Variants in PTPRF observed in about 807,000 individuals in gnomAD.
PTPRF encodes the protein receptor-type tyrosine-protein phosphatase F.
PTPRF carries 59 observed loss-of-function variants against 201.8 expected under a neutral mutation model. That is an observed-to-expected ratio of 0.29 (90% confidence interval 0.24 to 0.36). The LOEUF is 0.36. PTPRF is among the 10% of genes least tolerant of loss of function. The pLI, the probability that PTPRF is intolerant of heterozygous loss-of-function variation, is 1.00. For missense variants in PTPRF, 2,132 were observed against 2,690.5 expected (o/e 0.79, Z 4.59); for synonymous variants, 1,088 against 1,089.7 (o/e 1.00, Z 0.03).
At chr1:43,557,779 A>G (rs1318383452) in intron 5 of PTPRF, among the ~76,000 whole-genome samples, 1 of 152,136 alleles carries the variant, frequency 6.6e-6, no homozygotes, top group Non-Finnish European at 1.5e-5. Flanking sequence ...GACCCTGTCC[A>G]TGCTCCGGGG....
In PTPRF at chr1:43,553,790, C is replaced by T; in HGVS notation, c.238-10C>T. ...GAGTAGGCTGTGACCCCATGTCTGT[C>T]CTCTGACAGGTCATTGAGTTTGATG... On this transcript the variant is annotated splice_polypyrimidine_tract_variant and intron_variant, in intron 4 of 33. Coordinates refer to ENST00000359947, the MANE Select transcript of PTPRF (RefSeq NM_002840.5). This position sits in a 1 kb window ranked among gnomAD's most constrained non-coding sequence, Gnocchi z 4.1. The T allele has an allele frequency of 6.2e-7, 1 of 1,614,050 alleles. No homozygotes were observed. Among genetic ancestry groups the T allele is most frequent in the Non-Finnish European group, 8.5e-7 (1 of 1,180,004 alleles).
At chr1:43,534,792 C>T (rs1207285358) in intron 1 of PTPRF, among the ~76,000 whole-genome samples, 2 of 152,102 alleles carry the variant, frequency 1.3e-5, no homozygotes, top group East Asian at 1.9e-4. Flanking sequence ...AAGTAACCTC[C>T]GACAGTGGTG....
At position 43,605,231 on chromosome 1, in the gene PTPRF, G is replaced by A. The variant is rs143712248; in HGVS notation, c.3177G>A (p.Ser1059=). The change falls in exon 18 of 34, where the codon TCG becomes TCA. Residue 1059 remains serine, a synonymous_variant. Transcript: ENST00000359947. ...AGAGTGTGGAGGTGGACGGGCACTC[G>A]ATGCGGAAGCTGATCGCAGACCTGC... is the stretch of plus-strand genomic sequence containing the variant. ...NGQSVEVDGH[S]MRKLIADLQP... 39 of 1,606,050 alleles carry A rather than the reference G, an allele frequency of 2.4e-5. No individual in the cohort carries two copies. Among genetic ancestry groups the A allele is most frequent in the African/African-American group, 4.0e-5 (3 of 74,926 alleles).
In PTPRF at chr1:43,603,891, C is replaced by A; in HGVS notation, c.2739C>A (p.Asp913Glu). 8 of 1,614,084 alleles carry A rather than the reference C, an allele frequency of 5.0e-6. No individual in the cohort carries two copies. The highest frequency in any genetic ancestry group is 6.8e-6 in the Non-Finnish European group (8 of 1,180,034). ...EFEKEIRTPE[D>E]LPSGFPQNLH... ...AGAAGGAGATCAGGACCCCCGAGGA[C>A]CTGCCCAGCGGCTTCCCCCAAAACC... is the stretch of plus-strand genomic sequence containing the variant. The change falls in exon 16 of 34, where the codon GAC becomes GAA. Residue 913 changes from aspartate (D) to glutamate (E), a missense_variant. Physicochemically the swap from Asp to Glu is conservative, Grantham distance 45 (BLOSUM62 2). This residue lies in a region of PTPRF where 818 missense variants were observed against 915.3 expected (regional missense o/e 0.89). Coordinates refer to ENST00000359947, the MANE Select transcript of PTPRF (RefSeq NM_002840.5). The surrounding 1 kb of genome is among the most constrained non-coding windows in gnomAD (Gnocchi z 5.8).
rs538579759 is a variant in PTPRF at position 43,542,119 on chromosome 1, G to A, written c.-45-2912G>A. ...GGACCCTGGGACTCTGGGGGCCAAG[G>A]TCTACTCTTGAGGCCAGGCCTGGGG... On this transcript the variant is annotated intron_variant, in intron 2 of 33. Coordinates refer to ENST00000359947, the MANE Select transcript of PTPRF (RefSeq NM_002840.5). The surrounding 1 kb of genome is among the most constrained non-coding windows in gnomAD (Gnocchi z 5.2). 1.0e-3 allele frequency among the ~76,000 whole-genome samples: 157 copies of A among 152,270 alleles called. No individual in the cohort carries two copies. Among genetic ancestry groups the A allele is most frequent in the African/African-American group, 3.6e-3 (151 of 41,544 alleles).
rs146681834 is a variant in PTPRF, at chr1:43,603,457, C to T, written c.2382C>T (p.Ser794=). Residue 794 remains serine (S), a synonymous_variant, in exon 15 of 34, where the codon TCC becomes TCT. Coordinates refer to ENST00000359947, the MANE Select transcript of PTPRF (RefSeq NM_002840.5). The surrounding 1 kb of genome is among the most constrained non-coding windows in gnomAD (Gnocchi z 5.8). ...GCCTGACCCCGGAGACCACCTACTCCGTTACTGTTGCTGCCTATACCACCA... is the reference window on the plus strand; with the variant it reads ...GCCTGACCCCGGAGACCACCTACTCTGTTACTGTTGCTGCCTATACCACCA... ...ISGLTPETTY[S]VTVAAYTTKG... 177 of 1,614,196 alleles carry T rather than the reference C, an allele frequency of 1.1e-4. No homozygotes were observed. The African/African-American group carries it at 1.8e-3, about 16-fold the overall frequency.
At chr1:43,591,730 C>A in intron 9 of PTPRF, 82 bp from the exon 10 acceptor site, 1 of 1,555,314 alleles carries the variant, frequency 6.4e-7, no homozygotes, top group South Asian at 1.2e-5. Context: ...AGGTTAGGAC[C>A]TGACTTCCTC....
At chr1:43,575,999 A>G in intron 6 of PTPRF, 3 of 1,322,206 alleles carry the variant, frequency 2.3e-6, no homozygotes, top group South Asian at 1.2e-5. Flanking sequence ...CATCCCGTCC[A>G]GTCTGTCACC....
intron 5 of PTPRF, among the ~76,000 whole-genome samples, chr1:43,557,502 C>T (rs748540005): frequency 5.3e-5 from 8 of 152,152 alleles, no homozygotes; most frequent in Non-Finnish European, 1.0e-4. Context: ...GGCGTGGTGG[C>T]GCACGCCTGT....
At chr1:43,613,913 C>G (rs1368067140) in intron 23 of PTPRF, among the ~76,000 whole-genome samples, 198 bp downstream of exon 23, 1 of 152,118 alleles carries the variant, frequency 6.6e-6, no homozygotes, top group African/African-American at 2.4e-5. Flanking sequence ...ATAGCCTGGC[C>G]CAGCACCTTC....
At chr1:43,597,639 C>A (rs1337616153) in intron 11 of PTPRF, 109 bp from the exon 12 acceptor site, 2 of 852,438 alleles carry the variant, frequency 2.3e-6, no homozygotes, top group Admixed American at 4.5e-5. Context: ...CATTTCAGCA[C>A]CTAAGGGGTA....
intron 23 of PTPRF, among the ~76,000 whole-genome samples, chr1:43,615,386 G>A (rs1657512877): frequency 6.6e-6 from 1 of 151,912 alleles, no homozygotes; most frequent in Non-Finnish European, 1.5e-5. Flanking sequence ...TTCCCCATCT[G>A]GGCTCGTGGG....
chr1:43,613,592 G>A (rs1436319669), intron 22 of PTPRF, 26 bp from the exon 23 acceptor site: 2 of 1,575,866 alleles, frequency 1.3e-6, no homozygotes, highest in Non-Finnish European at 1.7e-6. Context: ...CACTAATGCT[G>A]CCTGTGTATG....
intron 5 of PTPRF, among the ~76,000 whole-genome samples, chr1:43,563,054 T>C (rs1210036518): frequency 1.3e-5 from 2 of 151,800 alleles, no homozygotes; most frequent in Non-Finnish European, 2.9e-5. Flanking sequence ...GGCAGGAGCC[T>C]GTAATCCCAG....
At chr1:43,614,426 A>C (rs751757580) in intron 23 of PTPRF, among the ~76,000 whole-genome samples, 5 of 152,194 alleles carry the variant, frequency 3.3e-5, no homozygotes, top group African/African-American at 7.2e-5. Flanking sequence ...CTTAACTCCT[A>C]GGAGCCTGCT....
intron 14 of PTPRF, among the ~76,000 whole-genome samples, chr1:43,602,781 G>C (rs1654080907): frequency 6.6e-6 from 1 of 152,208 alleles, no homozygotes; most frequent in African/African-American, 2.4e-5. Flanking sequence ...GCTGTCTCAG[G>C]CATCACTGAG....
chr1:43,548,804 C>T (rs774163855), intron 3 of PTPRF, among the ~76,000 whole-genome samples: 7 of 152,204 alleles, frequency 4.6e-5, no homozygotes, highest in Admixed American at 2.0e-4. Flanking sequence ...GCCCTGCCTT[C>T]GCCGGCCCTC....
rs148716858 is a variant in PTPRF, at chr1:43,591,936, C to G, written c.1656C>G (p.Asp552Glu). The G allele has an allele frequency of 6.8e-6, 11 of 1,613,630 alleles. No homozygotes were observed. The highest frequency in any genetic ancestry group is 9.3e-6 in the Non-Finnish European group (11 of 1,179,962). Residue 552 changes from aspartate to glutamate, a missense_variant, in exon 10 of 34, where the codon GAC (aspartate) becomes GAG (glutamate). Asp to Glu is a conservative substitution (Grantham distance 45, BLOSUM62 2). This residue lies in a region of PTPRF where 351 missense variants were observed against 401.7 expected (regional missense o/e 0.87). Coordinates refer to ENST00000359947, the MANE Select transcript of PTPRF (RefSeq NM_002840.5). ...MYELVYWAAE[D>E]EDQQHKVTFD... ...AACTGGTGTACTGGGCGGCAGAGGA[C>G]GAAGACCAACAGGTGTGCAGCGGGC...
chr1:43,571,095 G>A (rs558729502), intron 6 of PTPRF, among the ~76,000 whole-genome samples: 2 of 152,158 alleles, frequency 1.3e-5, no homozygotes, highest in Non-Finnish European at 2.9e-5. Context: ...TTTATATAGT[G>A]CTTGGGGTGC....
Sources: gnomAD v4.1 joint callset for allele counts (sites outside exome capture counted in the v4.1 genomes callset) on GRCh38, gnomAD v4.1.1 for gene constraint, gnomAD v4.1.1 regional missense constraint, Gnocchi (gnomAD v3.1) non-coding constraint, MANE v1.5 for transcripts, NCBI Gene and HGNC (gene_info 2026-07-23, HGNC 2026-07-21) for gene names.